EFNA2: variants seen among roughly 807,000 people sequenced by gnomAD.
EFNA2 encodes the protein ephrin-A2.
A neutral mutation model predicts 19.7 loss-of-function variants in EFNA2; 18 were observed. The ratio of observed to expected loss-of-function variants is 0.91; its 90% CI spans 0.63 to 1.35. EFNA2 has a LOEUF of 1.35. EFNA2 is among the 40% of genes most tolerant of loss of function. The pLI is 0.00. For synonymous variants in EFNA2, 187 were observed against 137.8 expected (o/e 1.36, Z -2.50); for missense variants, 303 against 296.0 (o/e 1.02, Z -0.17).
At position 1,295,552 on chromosome 19, in the gene EFNA2, G is replaced by A; in HGVS notation, c.148G>A (p.Ala50Thr). The change falls in exon 2 of 4, where the codon GCA becomes ACA. Residue 50 changes from alanine to threonine, a missense_variant. Coordinates refer to ENST00000215368, the MANE Select transcript of EFNA2 (RefSeq NM_001405.4). The surrounding 1 kb of genome is among the most constrained non-coding windows in gnomAD (Gnocchi z 5.8). ...GCCGCCTTGTCCCCGCAGGTTCCAC[G>A]CAGGCGCGGGGGACGACGGCGGGGG... ...YWNRSNPRFH[A>T]GAGDDGGGYT... is the part of the protein sequence containing the mutation. 1 of 1,592,064 alleles carries A rather than the reference G, an allele frequency of 6.3e-7. No homozygotes were observed. Among genetic ancestry groups the A allele is most frequent in the Non-Finnish European group, 8.6e-7 (1 of 1,169,306 alleles).
rs1029627385 is a variant in EFNA2 at position 1,287,639 on chromosome 19, C to T, written c.140+1331C>T. On this transcript the variant is annotated intron_variant, in intron 1 of 3. Transcript: ENST00000215368. This position sits in a 1 kb window ranked among gnomAD's most constrained non-coding sequence, Gnocchi z 6.2. ...CCTGGTCAACGGCCTCGGGTCGGGC[C>T]CTGGGGGCTGAGGGCAGGGACCCCG... Among the ~76,000 whole-genome samples, 1 of 152,016 alleles carries T rather than the reference C, an allele frequency of 6.6e-6. No homozygotes were observed. The highest frequency in any genetic ancestry group is 1.5e-5 in the Non-Finnish European group (1 of 67,966).
chr19:1,295,892 G>A lies in EFNA2; in HGVS notation c.454+34G>A, dbSNP rs563038455. On this transcript the variant is annotated intron_variant, in intron 2 of 3. Coordinates refer to ENST00000215368, the MANE Select transcript of EFNA2 (RefSeq NM_001405.4). The surrounding 1 kb of genome is among the most constrained non-coding windows in gnomAD (Gnocchi z 5.8). ...GGTCGGGCCGGGGCTGCCGGGGCCC[G>A]AGTGGGCGGGGACGCGGGGGCGGGG... 5.9e-6 allele frequency: 9 copies of A among 1,529,632 alleles called. No homozygotes were observed. Among genetic ancestry groups the A allele is most frequent in the African/African-American group, 1.5e-5 (1 of 68,452 alleles). 94.8% of individuals were successfully genotyped at this position (1,529,632 alleles called of 1,614,324 possible). A position where few individuals can be genotyped will look rare whatever the true frequency, so the allele number is the denominator to read the frequency against.
At chr19:1,291,553 C>T (rs2081491546) in intron 1 of EFNA2, among the ~76,000 whole-genome samples, 1 of 152,144 alleles carries the variant, frequency 6.6e-6, no homozygotes, top group South Asian at 2.1e-4. Context: ...CCCGGGCTGC[C>T]TGCTCATCCG....
At position 1,299,966 on chromosome 19, in the gene EFNA2, G is replaced by A; in HGVS notation, c.*21G>A. Reference sequence around the variant, plus strand: ...CCTAGTCCCAGCCCCGCAGGACGCCGACCCTGCCTGGACGGCCCCGCCTGG... The same window carrying A: ...CCTAGTCCCAGCCCCGCAGGACGCCAACCCTGCCTGGACGGCCCCGCCTGG... On this transcript the variant is annotated 3_prime_UTR_variant, in exon 4 of 4. Transcript: ENST00000215368. 1.3e-6 allele frequency: 2 copies of A among 1,581,276 alleles called. No homozygotes were observed. The highest frequency in any genetic ancestry group is 1.7e-6 in the Non-Finnish European group (2 of 1,169,452).
In EFNA2 at chr19:1,294,349, C is replaced by T. The variant is rs758635522; in HGVS notation, c.141-1196C>T. On this transcript the variant is annotated intron_variant, in intron 1 of 3. Transcript: ENST00000215368. The surrounding 1 kb of genome is among the most constrained non-coding windows in gnomAD (Gnocchi z 5.8). ...GAAGGGGAGCCGCCGGTCCCTTCCT[C>T]GGCTGATCTCTATCCTCACAGACGA... Among the ~76,000 whole-genome samples, 8 of 152,198 alleles carry T rather than the reference C, an allele frequency of 5.3e-5. No homozygotes were observed. Among genetic ancestry groups the T allele is most frequent in the East Asian group, 1.9e-4 (1 of 5,192 alleles).
In EFNA2 at chr19:1,295,460, C is replaced by A; in HGVS notation, c.141-85C>A. On this transcript the variant is annotated intron_variant, in intron 1 of 3. Coordinates refer to ENST00000215368, the MANE Select transcript of EFNA2 (RefSeq NM_001405.4). The surrounding 1 kb of genome is among the most constrained non-coding windows in gnomAD (Gnocchi z 5.8). The stretch of plus-strand genomic sequence containing the variant: ...CGACCCGTCCCTCGTGCTCCTGTCC[C>A]CTGACCCTGGCCCTCCCCGCGCACC... 7.3e-7 allele frequency: 1 copy of A among 1,377,458 alleles called. No homozygotes were observed. Among genetic ancestry groups the A allele is most frequent in the East Asian group, 2.7e-5 (1 of 37,172 alleles). 85.3% of individuals were successfully genotyped at this position (1,377,458 alleles called of 1,614,324 possible). A position where few individuals can be genotyped will look rare whatever the true frequency, so the allele number is the denominator to read the frequency against.
rs1481774501 is a variant in EFNA2 at position 1,297,989 on chromosome 19, T to C, written c.455-562T>C. 6.8e-6 allele frequency among the ~76,000 whole-genome samples: 1 copy of C among 146,232 alleles called. No individual in the cohort carries two copies. Among genetic ancestry groups the C allele is most frequent in the African/African-American group, 2.6e-5 (1 of 38,834 alleles). ...TGGGAGGCTGAGGCAGGAGAATTGC[T>C]TGAACCCGGGAGGCTGAGATTGCAG... is the stretch of plus-strand genomic sequence containing the variant. On this transcript the variant is annotated intron_variant, in intron 2 of 3. Transcript: ENST00000215368. The surrounding 1 kb of genome is among the most constrained non-coding windows in gnomAD (Gnocchi z 5.0).
In EFNA2 at chr19:1,300,241, ATTTTTTTTTTTTTTTTTTT is replaced by A. The variant is rs58281257; in HGVS notation, c.*313_*331del. 8 of 42,698 alleles carry A rather than the reference ATTTTTTTTTTTTTTTTTTT, an allele frequency of 1.9e-4. No individual in the cohort carries two copies. Among genetic ancestry groups the A allele is most frequent in the East Asian group, 2.1e-3 (1 of 480 alleles). 2.6% of individuals were successfully genotyped at this position (42,698 alleles called of 1,614,324 possible). A position where few individuals can be genotyped will look rare whatever the true frequency, so the allele number is the denominator to read the frequency against. On this transcript the variant is annotated 3_prime_UTR_variant, in exon 4 of 4. Transcript: ENST00000215368. ...CGGAGAACCCGGGAACCTCTTGGCG[ATTTTTTTTTTTTTTTTTTT>A]TTTTTTTTTTTTTTTTAGTGTATTT...
At chr19:1,284,865 G>T (rs900831727), upstream of EFNA2, among the ~76,000 whole-genome samples, 1 of 152,204 alleles carries the variant, frequency 6.6e-6, no homozygotes, top group African/African-American at 2.4e-5. This position sits in a 1 kb window ranked among gnomAD's most constrained non-coding sequence, Gnocchi z 5.3. Context: ...TCTGGGCATC[G>T]CCAGCAAAGT....
intron 1 of EFNA2, among the ~76,000 whole-genome samples, chr19:1,290,163 G>T (rs2144614647): frequency 6.6e-6 from 1 of 152,254 alleles, no homozygotes; most frequent in Admixed American, 6.5e-5. Flanking sequence ...GCCTGGTGTG[G>T]ATGGGCAAAG....
chr19:1,295,975 G>T lies in EFNA2; in HGVS notation c.454+117G>T. ...CGGGGAGTGGGCGGGGCAGCGCAGTGGGCGGGGCCGCGGTGTGGGGCCAGG... is the reference window on the plus strand; with the variant it reads ...CGGGGAGTGGGCGGGGCAGCGCAGTTGGCGGGGCCGCGGTGTGGGGCCAGG... On this transcript the variant is annotated intron_variant, in intron 2 of 3. Coordinates refer to ENST00000215368, the MANE Select transcript of EFNA2 (RefSeq NM_001405.4). This position sits in a 1 kb window ranked among gnomAD's most constrained non-coding sequence, Gnocchi z 5.8. The T allele has an allele frequency of 2.0e-6, 2 of 992,582 alleles. No homozygotes were observed. Among genetic ancestry groups the T allele is most frequent in the South Asian group, 4.7e-5 (2 of 42,878 alleles). The allele number at this position is 992,582 out of a possible 1,614,324, so 61.5% of individuals were successfully genotyped here. A position where few individuals can be genotyped will look rare whatever the true frequency, so the allele number is the denominator to read the frequency against.
intron 1 of EFNA2, among the ~76,000 whole-genome samples, chr19:1,292,313 T>G (rs1252845743): frequency 6.6e-6 from 1 of 152,090 alleles, no homozygotes; most frequent in Admixed American, 6.5e-5. Flanking sequence ...GAGCCGGGGG[T>G]GGGGGTTCCC....
upstream of EFNA2, among the ~76,000 whole-genome samples, chr19:1,284,624 C>T (rs896984368): frequency 6.6e-6 from 1 of 152,176 alleles, no homozygotes; most frequent in African/African-American, 2.4e-5. This position sits in a 1 kb window ranked among gnomAD's most constrained non-coding sequence, Gnocchi z 5.3. Flanking sequence ...AGACACAGGA[C>T]AGAGCCCACC....
upstream of EFNA2, among the ~76,000 whole-genome samples, chr19:1,285,652 C>A (rs887889158): frequency 6.6e-6 from 1 of 151,730 alleles, no homozygotes; most frequent in African/African-American, 2.4e-5. The surrounding 1 kb of genome is among the most constrained non-coding windows in gnomAD (Gnocchi z 4.1). Flanking sequence ...CAGGGTGCGC[C>A]CCCGCCCCTC....
At position 1,287,131 on chromosome 19, in the gene EFNA2, G is replaced by A. The variant is rs564396402; in HGVS notation, c.140+823G>A. 1.1e-4 allele frequency among the ~76,000 whole-genome samples: 16 copies of A among 152,360 alleles called. No homozygotes were observed. The East Asian group carries it at 2.3e-3, about 22-fold the overall frequency. On this transcript the variant is annotated intron_variant, in intron 1 of 3. Coordinates refer to ENST00000215368, the MANE Select transcript of EFNA2 (RefSeq NM_001405.4). The surrounding 1 kb of genome is among the most constrained non-coding windows in gnomAD (Gnocchi z 6.2). ...CCAGGTCCGGGCCAGGCACAACGTG[G>A]GGGACAGGAGAAGCCCCCGTTGGTC...
chr19:1,286,357 C>A lies in EFNA2; in HGVS notation c.140+49C>A. 1 of 962,696 alleles carries A rather than the reference C, an allele frequency of 1.0e-6. No homozygotes were observed. Among genetic ancestry groups the A allele is most frequent in the Non-Finnish European group, 1.2e-6 (1 of 811,280 alleles). 59.6% of individuals were successfully genotyped at this position (962,696 alleles called of 1,614,324 possible). ...GCGCCCGGGGACCCCCCAACGCCCC[C>A]CAAGCCGCGCCCGGCCTCGCGCCCC... is the stretch of plus-strand genomic sequence containing the variant. On this transcript the variant is annotated intron_variant, in intron 1 of 3. Transcript: ENST00000215368. The surrounding 1 kb of genome is among the most constrained non-coding windows in gnomAD (Gnocchi z 5.6).
In EFNA2 at chr19:1,294,149, C is replaced by T. The variant is rs545367320; in HGVS notation, c.141-1396C>T. Among the ~76,000 whole-genome samples the T allele has an allele frequency of 4.6e-5, 7 of 152,308 alleles. No homozygotes were observed. In the South Asian group the frequency reaches 8.3e-4, roughly 18 times the overall value. ...TGTGCATGGAGGGAGGAGGCAGGAGCGGTGTGGGGGACCCCCCATTCCTCC... is the reference window on the plus strand; with the variant it reads ...TGTGCATGGAGGGAGGAGGCAGGAGTGGTGTGGGGGACCCCCCATTCCTCC... On this transcript the variant is annotated intron_variant, in intron 1 of 3. Coordinates refer to ENST00000215368, the MANE Select transcript of EFNA2 (RefSeq NM_001405.4). This position sits in a 1 kb window ranked among gnomAD's most constrained non-coding sequence, Gnocchi z 5.8.
upstream of EFNA2, among the ~76,000 whole-genome samples, chr19:1,285,538 G>C (rs1322224271): frequency 6.6e-6 from 1 of 152,154 alleles, no homozygotes; most frequent in African/African-American, 2.4e-5. This position sits in a 1 kb window ranked among gnomAD's most constrained non-coding sequence, Gnocchi z 4.1. Context: ...GATTTGGGAC[G>C]CGTGCGTCGG....
rs892188726 is a variant in EFNA2 at position 1,296,944 on chromosome 19, C to T, written c.454+1086C>T. ...TCCGAAGCTGGCCTTTTTGTCCCTA[C>T]GAAAGGCCAACGGCAGGTGGGGAAC... On this transcript the variant is annotated intron_variant, in intron 2 of 3. Coordinates refer to ENST00000215368, the MANE Select transcript of EFNA2 (RefSeq NM_001405.4). This position sits in a 1 kb window ranked among gnomAD's most constrained non-coding sequence, Gnocchi z 4.4. 6.6e-6 allele frequency among the ~76,000 whole-genome samples: 1 copy of T among 152,240 alleles called. No homozygotes were observed. Among genetic ancestry groups the T allele is most frequent in the Non-Finnish European group, 1.5e-5 (1 of 68,044 alleles).
Sources: allele counts gnomAD v4.1 joint callset (sites outside exome capture counted in the v4.1 genomes callset), GRCh38; gene constraint gnomAD v4.1.1; non-coding constraint Gnocchi (gnomAD v3.1); transcripts MANE v1.5; gene names NCBI Gene and HGNC (gene_info 2026-07-23, HGNC 2026-07-21).